The following TENM4 variants were observed in gnomAD, a reference collection of about 807,000 sequenced individuals.
The protein encoded by TENM4 is teneurin transmembrane protein 4.
TENM4 carries 82 observed loss-of-function variants against 243.3 expected under a neutral mutation model. That is an observed-to-expected ratio of 0.34 (90% CI 0.28 to 0.40). The LOEUF (loss-of-function observed/expected upper bound fraction) is 0.40, where lower values mean the gene tolerates loss of function less well. Ranked by LOEUF, TENM4 falls within the 10% of genes least tolerant of loss-of-function variation. The pLI, the probability that TENM4 is intolerant of heterozygous loss-of-function variation, is 1.00. For missense variants in TENM4, 3,138 were observed against 3,673.3 expected, an observed-to-expected ratio of 0.85 and a Z score of 3.77; for synonymous variants, 1,412 against 1,456.3, an observed-to-expected ratio of 0.97 and a Z score of 0.69.
chr11:79,396,637 T>C (rs1186060578), intron 1 of TENM4, among the ~76,000 whole-genome samples: 2 of 152,216 alleles, frequency 1.3e-5, no homozygotes, highest in Non-Finnish European at 2.9e-5. Context: ...GGCAAAGGAA[T>C]GGCTAGAGGC....
intron 3 of TENM4, among the ~76,000 whole-genome samples, chr11:79,185,619 A>G (rs1591339705): frequency 6.6e-6 from 1 of 152,188 alleles, no homozygotes; most frequent in African/African-American, 2.4e-5. Context: ...GAGTATTGGC[A>G]TATACCATTT....
chr11:79,037,673 C>T (rs113376294), intron 6 of TENM4, among the ~76,000 whole-genome samples: 3 of 152,202 alleles, frequency 2.0e-5, no homozygotes, highest in African/African-American at 4.8e-5. Context: ...AGACTTTTCT[C>T]CATGATTTGT....
intron 19 of TENM4, among the ~76,000 whole-genome samples, chr11:78,740,676 C>G (rs1181136218): frequency 3.9e-5 from 6 of 152,206 alleles, no homozygotes; most frequent in Admixed American, 3.3e-4. Flanking sequence ...GATCTCATCT[C>G]CTGACGCTGG....
At chr11:78,909,017 C>A (rs1231619681) in intron 6 of TENM4, among the ~76,000 whole-genome samples, 2 of 152,216 alleles carry the variant, frequency 1.3e-5, no homozygotes, top group African/African-American at 4.8e-5. Flanking sequence ...CTGTCTCCTA[C>A]TGGCTACATT....
chr11:78,922,131 T>G (rs1185601995), intron 6 of TENM4, among the ~76,000 whole-genome samples: 1 of 152,216 alleles, frequency 6.6e-6, no homozygotes, highest in Non-Finnish European at 1.5e-5. Flanking sequence ...CAGATGTCCA[T>G]GTGCAGCAGG....
intron 15 of TENM4, among the ~76,000 whole-genome samples, chr11:78,798,795 G>A (rs1371600719): frequency 1.3e-5 from 2 of 151,920 alleles, no homozygotes; most frequent in Non-Finnish European, 2.9e-5. Flanking sequence ...CCCCTTTCAG[G>A]GTCTGGCTCA....
intron 2 of TENM4, among the ~76,000 whole-genome samples, chr11:79,233,817 C>T (rs1436282276): frequency 6.6e-6 from 1 of 152,164 alleles, no homozygotes; most frequent in African/African-American, 2.4e-5. Context: ...ATGATTCCAG[C>T]AAATAGAAGG....
chr11:78,826,283 C>T (rs1022691961), intron 12 of TENM4, among the ~76,000 whole-genome samples: 15 of 151,986 alleles, frequency 9.9e-5, no homozygotes, highest in African/African-American at 3.1e-4. Context: ...GACGGTGTTT[C>T]ACCATGTTGG....
rs1490096003 is a variant in TENM4 at position 78,656,086 on chromosome 11, G to A, written c.*1972C>T. 1 of 152,164 alleles carries A rather than the reference G, an allele frequency of 6.6e-6. No homozygotes were observed. Among genetic ancestry groups the A allele is most frequent in the Non-Finnish European group, 1.5e-5 (1 of 68,048 alleles). 9.4% of individuals were successfully genotyped at this position (152,164 alleles called of 1,614,324 possible). A position where few individuals can be genotyped will look rare whatever the true frequency, so the allele number is the denominator to read the frequency against. ...CTAATCCCAGTGGGATGACGTTAAG[G>A]CGAAATCTCCTCTCCCCAAGAAGTT... On this transcript the variant is annotated 3_prime_UTR_variant, in exon 34 of 34. Coordinates refer to ENST00000278550, the MANE Select transcript of TENM4 (RefSeq NM_001098816.3).
Position 79,237,503 on chromosome 11 carries a change from C to T in TENM4, c.-264-21594G>A, listed in dbSNP as rs538483317. On this transcript the variant is annotated intron_variant, in intron 2 of 33. Transcript: ENST00000278550. ...ACCAGCCTGGCCAACATGGTAAAAC[C>T]CTGTCTATACTAAAAATACAAACAT... 3.3e-5 allele frequency among the ~76,000 whole-genome samples: 5 copies of T among 152,242 alleles called. No homozygotes were observed. In the South Asian group the frequency reaches 6.2e-4, roughly 19 times the overall value.
intron 1 of TENM4, among the ~76,000 whole-genome samples, chr11:79,330,721 C>T (rs1478177743): frequency 6.6e-6 from 1 of 152,152 alleles, no homozygotes; most frequent in Non-Finnish European, 1.5e-5. Context: ...TTTTACTATC[C>T]CTCCTGGCAG....
chr11:79,042,528 AG>A (rs1440484406), intron 6 of TENM4, among the ~76,000 whole-genome samples: 3 of 152,336 alleles, frequency 2.0e-5, no homozygotes, highest in African/African-American at 7.2e-5. Flanking sequence ...CCATCTGAGA[AG>A]CAGAGGGCAA....
At chr11:79,078,015 G>T (rs1860575503) in intron 4 of TENM4, among the ~76,000 whole-genome samples, 1 of 152,098 alleles carries the variant, frequency 6.6e-6, no homozygotes, top group Non-Finnish European at 1.5e-5. Flanking sequence ...AAACAAACCT[G>T]GCCCCTTCAC....
intron 6 of TENM4, among the ~76,000 whole-genome samples, chr11:78,949,858 G>A (rs1857077007): frequency 6.6e-6 from 1 of 152,200 alleles, no homozygotes; most frequent in Non-Finnish European, 1.5e-5. Flanking sequence ...ACAGAACTGG[G>A]TGCAGGGGGA....
intron 6 of TENM4, among the ~76,000 whole-genome samples, chr11:78,914,306 G>C (rs970064155): frequency 2.0e-5 from 3 of 152,204 alleles, no homozygotes; most frequent in Non-Finnish European, 4.4e-5. Context: ...TTGGAAAGAA[G>C]GAAATAGCGA....
chr11:79,164,721 G>A (rs1862871000), intron 3 of TENM4, among the ~76,000 whole-genome samples: 1 of 151,300 alleles, frequency 6.6e-6, no homozygotes, highest in African/African-American at 2.4e-5. Context: ...TCTTTCCCAT[G>A]CTATTCTCAT....
At chr11:79,348,391 C>A (rs1310075343) in intron 1 of TENM4, among the ~76,000 whole-genome samples, 4 of 152,204 alleles carry the variant, frequency 2.6e-5, no homozygotes, top group African/African-American at 9.7e-5. Context: ...TACCAAAACA[C>A]AGGGATCATA....
chr11:79,036,551 C>T (rs755664701), intron 6 of TENM4, among the ~76,000 whole-genome samples: 1 of 152,150 alleles, frequency 6.6e-6, no homozygotes, highest in Non-Finnish European at 1.5e-5. Flanking sequence ...AAAAGACAGC[C>T]AAGGGAGCAG....
At chr11:79,386,237 C>T (rs1276113753) in intron 1 of TENM4, among the ~76,000 whole-genome samples, 3 of 152,078 alleles carry the variant, frequency 2.0e-5, no homozygotes, top group African/African-American at 7.2e-5. Context: ...ACCTTGATCA[C>T]GATTTCATAC....
Sources: gnomAD v4.1 joint callset for allele counts (sites outside exome capture counted in the v4.1 genomes callset) on GRCh38, gnomAD v4.1.1 for gene constraint, MANE v1.5 for transcripts, NCBI Gene and HGNC (gene_info 2026-07-23, HGNC 2026-07-21) for gene names.